DYNLT2B: variants seen among roughly 807,000 people sequenced by gnomAD.
The protein encoded by DYNLT2B is dynein light chain Tctex-type 2B, also known as dynein light chain Tctex-type protein 2B.
A neutral mutation model predicts 19.5 loss-of-function variants in DYNLT2B; 14 were observed. The ratio of observed to expected loss-of-function variants is 0.72; its 90% CI spans 0.47 to 1.12. The LOEUF (loss-of-function observed/expected upper bound fraction) is 1.12, where lower values mean the gene tolerates loss of function less well. Ranked by LOEUF, DYNLT2B falls within the 50% of genes most tolerant of loss-of-function variation. The probability of loss-of-function intolerance (pLI) is 0.00; values close to 1 mark genes in which losing one functional copy is unlikely to be tolerated. For missense variants in DYNLT2B, 133 were observed against 174.7 expected (o/e 0.76, Z 1.35); for synonymous variants, 70 against 59.7 (o/e 1.17, Z -0.79).
chr3:196,314,971 C>T (rs1250146000), intron 2 of DYNLT2B, among the ~76,000 whole-genome samples: 1 of 152,076 alleles, frequency 6.6e-6, no homozygotes, highest in Non-Finnish European at 1.5e-5. Flanking sequence ...GAGAGATGGA[C>T]TGCAGGTACT....
At chr3:196,296,959 C>T (rs1726238544) in intron 3 of DYNLT2B, among the ~76,000 whole-genome samples, 1 of 145,914 alleles carries the variant, frequency 6.9e-6, no homozygotes, top group Non-Finnish European at 1.5e-5. Flanking sequence ...TTTGGGAGGC[C>T]AAGGCGGGCA....
At chr3:196,315,481 T>G (rs1019108819) in intron 2 of DYNLT2B, among the ~76,000 whole-genome samples, 1 of 151,768 alleles carries the variant, frequency 6.6e-6, no homozygotes, top group East Asian at 2.0e-4. Context: ...CAGGATGGTC[T>G]CAATCTCCTG....
In DYNLT2B at chr3:196,318,222, G is replaced by T; in HGVS notation, c.-70C>A. Reference sequence around the variant, plus strand: ...CGGGTTGCGGTCGCGGCCGGCAGCAGGGAAAGCGTCTCCAGGGCAACAGGG... The same window carrying T: ...CGGGTTGCGGTCGCGGCCGGCAGCATGGAAAGCGTCTCCAGGGCAACAGGG... On this transcript the variant is annotated 5_prime_UTR_variant, in exon 1 of 5. The change creates a new upstream start codon in the 5' untranslated region. Coordinates refer to ENST00000325318, the MANE Select transcript of DYNLT2B (RefSeq NM_152773.5). The T allele has an allele frequency of 1.1e-6, 1 of 899,120 alleles. No individual in the cohort carries two copies. The highest frequency in any genetic ancestry group is 1.9e-5 in the South Asian group (1 of 51,964). The allele number at this position is 899,120 out of a possible 1,614,324, so 55.7% of individuals were successfully genotyped here. A position where few individuals can be genotyped will look rare whatever the true frequency, so the allele number is the denominator to read the frequency against.
intron 2 of DYNLT2B, among the ~76,000 whole-genome samples, chr3:196,310,738 T>C (rs1252222917): frequency 1.3e-5 from 2 of 151,656 alleles, no homozygotes; most frequent in African/African-American, 4.8e-5. Flanking sequence ...TGTTTTGTTT[T>C]GTTTTTGTTT....
intron 3 of DYNLT2B, among the ~76,000 whole-genome samples, chr3:196,297,734 G>A (rs896142037): frequency 6.6e-5 from 10 of 152,060 alleles, no homozygotes; most frequent in South Asian, 2.1e-4. Flanking sequence ...GACAAATGAG[G>A]ATTAGAGAAA....
At chr3:196,308,923 A>G (rs1726561485) in intron 2 of DYNLT2B, among the ~76,000 whole-genome samples, 1 of 152,150 alleles carries the variant, frequency 6.6e-6, no homozygotes, top group South Asian at 2.1e-4. Context: ...TTAAAAAAAA[A>G]ACCCACACCA....
At chr3:196,309,319 G>A (rs539742920) in intron 2 of DYNLT2B, among the ~76,000 whole-genome samples, 3 of 152,168 alleles carry the variant, frequency 2.0e-5, no homozygotes, top group South Asian at 2.1e-4. Context: ...AGGCTGAAGT[G>A]CAATGGCGTG....
chr3:196,316,618 A>C (rs1726802274), intron 1 of DYNLT2B, among the ~76,000 whole-genome samples: 1 of 152,208 alleles, frequency 6.6e-6, no homozygotes, highest in Non-Finnish European at 1.5e-5. Context: ...CATTCTGGGC[A>C]TTCAGAACCT....
chr3:196,315,766 G>C (rs1428568789), intron 2 of DYNLT2B, among the ~76,000 whole-genome samples: 3 of 152,114 alleles, frequency 2.0e-5, no homozygotes, highest in Non-Finnish European at 1.5e-5. Context: ...CAACTACTCA[G>C]GAGGCTGAGG....
At chr3:196,314,493 T>C (rs1011429305) in intron 2 of DYNLT2B, among the ~76,000 whole-genome samples, 4 of 149,378 alleles carry the variant, frequency 2.7e-5, no homozygotes, top group African/African-American at 9.9e-5. Flanking sequence ...AAAGAACTTT[T>C]CAGATCAGAC....
At chr3:196,303,323 G>T (rs1043227005) in intron 3 of DYNLT2B, among the ~76,000 whole-genome samples, 1 of 152,206 alleles carries the variant, frequency 6.6e-6, no homozygotes, top group Non-Finnish European at 1.5e-5. Context: ...ACAGCCGGCT[G>T]TGCGTGAATT....
At chr3:196,303,388 CG>C (rs1273065061) in intron 3 of DYNLT2B, among the ~76,000 whole-genome samples, 1 of 152,108 alleles carries the variant, frequency 6.6e-6, no homozygotes, top group Non-Finnish European at 1.5e-5. Context: ...GTCTAGGCAG[CG>C]GGCAAGTGAA....
chr3:196,312,621 G>T (rs1726672327), intron 2 of DYNLT2B, among the ~76,000 whole-genome samples: 1 of 150,892 alleles, frequency 6.6e-6, no homozygotes, highest in Non-Finnish European at 1.5e-5. Context: ...ACCACGCCCG[G>T]CTAATTTTTG....
Position 196,309,388 on chromosome 3 carries a change from C to A in DYNLT2B, c.248-2376G>T, listed in dbSNP as rs79299156. Among the ~76,000 whole-genome samples, 25 of 152,212 alleles carry A rather than the reference C, an allele frequency of 1.6e-4. 1 individual carries two copies. The East Asian group carries it at 3.1e-3, about 19-fold the overall frequency. ...TCAAGCAATCTTCCTGCCTCAGACTCCCGAGTAGCTGGGATTACAGGCATG... is the reference window on the plus strand; with the variant it reads ...TCAAGCAATCTTCCTGCCTCAGACTACCGAGTAGCTGGGATTACAGGCATG... On this transcript the variant is annotated intron_variant, in intron 2 of 4. Coordinates refer to ENST00000325318, the MANE Select transcript of DYNLT2B (RefSeq NM_152773.5).
At chr3:196,297,852 G>A (rs1233105825) in intron 3 of DYNLT2B, among the ~76,000 whole-genome samples, 5 of 151,792 alleles carry the variant, frequency 3.3e-5, no homozygotes, top group Non-Finnish European at 7.4e-5. Flanking sequence ...ATATTATATT[G>A]GTTCTTTTTT....
At chr3:196,298,148 A>G in intron 3 of DYNLT2B, 1 of 367,972 alleles carries the variant, frequency 2.7e-6, no homozygotes, top group Non-Finnish European at 5.4e-6. Flanking sequence ...CCACTGGAGA[A>G]TGGGACGATT....
At chr3:196,302,554 A>T (rs1458900606) in intron 3 of DYNLT2B, among the ~76,000 whole-genome samples, 2 of 152,246 alleles carry the variant, frequency 1.3e-5, no homozygotes, top group African/African-American at 4.8e-5. Flanking sequence ...TAAAATATCC[A>T]TGAGTCCATG....
In DYNLT2B at chr3:196,316,345, A is replaced by T. The variant is rs1726792110; in HGVS notation, c.114-114T>A. The T allele has an allele frequency of 7.5e-6, 8 of 1,067,792 alleles. No homozygotes were observed. The South Asian group carries it at 1.4e-4, about 18-fold the overall frequency. The allele number at this position is 1,067,792 out of a possible 1,614,324, so 66.1% of individuals were successfully genotyped here. A position where few individuals can be genotyped will look rare whatever the true frequency, so the allele number is the denominator to read the frequency against. The stretch of plus-strand genomic sequence containing the variant: ...TAGTACCACTTAATCCTTCTTTTTC[A>T]TATTTTTTATTATAAAATATAAACA... On this transcript the variant is annotated intron_variant, in intron 1 of 4. Transcript: ENST00000325318.
At position 196,298,090 on chromosome 3, in the gene DYNLT2B, G is replaced by A. The variant is rs931992645; in HGVS notation, c.318-2021C>T. The A allele has an allele frequency of 1.7e-5, 5 of 289,250 alleles. No homozygotes were observed. In the East Asian group the frequency reaches 3.5e-4, roughly 20 times the overall value. The allele number at this position is 289,250 out of a possible 1,614,324, so 17.9% of individuals were successfully genotyped here. On this transcript the variant is annotated intron_variant, in intron 3 of 4. Coordinates refer to ENST00000325318, the MANE Select transcript of DYNLT2B (RefSeq NM_152773.5). ...AGACCCAGCTTGGCTGTTCTGCAAT[G>A]TCTCCTTTCCAGTTGTGCCTGATTT...
Sources: gnomAD v4.1 joint callset for allele counts (sites outside exome capture counted in the v4.1 genomes callset) on GRCh38, gnomAD v4.1.1 for gene constraint, MANE v1.5 for transcripts, NCBI Gene and HGNC (gene_info 2026-07-23, HGNC 2026-07-21) for gene names.